The following ATP9B variants were observed in gnomAD, a reference collection of about 807,000 sequenced individuals.
ATP9B encodes ATPase phospholipid transporting 9B, also known as probable phospholipid-transporting ATPase IIB.
A neutral mutation model predicts 146.1 loss-of-function variants in ATP9B; 110 were observed. The ratio of observed to expected loss-of-function variants is 0.75; its 90% CI spans 0.65 to 0.88. The LOEUF is 0.88. ATP9B is among the 40% of genes least tolerant of loss of function. ATP9B has a pLI of 0.00. For missense variants in ATP9B, 1,499 were observed against 1,496.4 expected, an observed-to-expected ratio of 1.00 and a Z score of -0.03; for synonymous variants, 604 against 569.7, an observed-to-expected ratio of 1.06 and a Z score of -0.86.
intron 26 of ATP9B, chr18:79,360,788 G>C (rs1389546846): frequency 6.6e-6 from 1 of 152,168 alleles, no homozygotes; most frequent in Non-Finnish European, 1.5e-5. Context: ...TATTATCATG[G>C]TGGCATCATC....
At chr18:79,327,584 G>A (rs371264182) in intron 15 of ATP9B, among the ~76,000 whole-genome samples, 20 of 133,336 alleles carry the variant, frequency 1.5e-4, no homozygotes, top group African/African-American at 5.6e-4. Context: ...CGTGCTCTCC[G>A]TGGTTAACGT....
intron 10 of ATP9B, among the ~76,000 whole-genome samples, 195 bp from the exon 11 acceptor site, chr18:79,213,767 T>C (rs2095603775): frequency 6.6e-6 from 1 of 152,172 alleles, no homozygotes; most frequent in South Asian, 2.1e-4. Flanking sequence ...AACAAATCAT[T>C]TGACTTTTTC....
At chr18:79,338,204 C>T (rs186096292) in intron 19 of ATP9B, among the ~76,000 whole-genome samples, 1 of 152,252 alleles carries the variant, frequency 6.6e-6, no homozygotes. Flanking sequence ...AAACTCAGCA[C>T]AAAAGGACAC....
rs567885814 is a variant in ATP9B, at chr18:79,161,669, A to G, written c.778+7114A>G. 5.3e-5 allele frequency among the ~76,000 whole-genome samples: 8 copies of G among 152,314 alleles called. 1 individual carries two copies. The South Asian group carries it at 1.7e-3, about 32-fold the overall frequency. On this transcript the variant is annotated intron_variant, in intron 7 of 29. Coordinates refer to ENST00000426216, the MANE Select transcript of ATP9B (RefSeq NM_198531.5). ...CGAGACCATCCTGGCTAACATGGTG[A>G]AACGCCATCTCTAGAAAAATACAAA...
chr18:79,349,117 A>G (rs1415883032), intron 25 of ATP9B, among the ~76,000 whole-genome samples: 1 of 152,248 alleles, frequency 6.6e-6, no homozygotes, highest in African/African-American at 2.4e-5. Flanking sequence ...AAGAGGGAAT[A>G]GGTGGGAATT....
intron 20 of ATP9B, chr18:79,343,997 G>T: frequency 1.9e-6 from 1 of 523,778 alleles, no homozygotes; most frequent in South Asian, 2.2e-5. Context: ...TCAGAGTGGT[G>T]ATTCCACTGC....
intron 25 of ATP9B, among the ~76,000 whole-genome samples, chr18:79,356,604 G>C (rs894094564): frequency 6.6e-6 from 1 of 152,240 alleles, no homozygotes; most frequent in African/African-American, 2.4e-5. Flanking sequence ...AGAGAATTGC[G>C]CTGTGTAAAA....
chr18:79,220,921 G>A (rs1452459872), intron 11 of ATP9B, among the ~76,000 whole-genome samples: 1 of 152,166 alleles, frequency 6.6e-6, no homozygotes, highest in Non-Finnish European at 1.5e-5. Context: ...CAGCCTTTGG[G>A]CCTCTTGTGC....
chr18:79,148,259 T>G (rs2147520984), intron 6 of ATP9B, among the ~76,000 whole-genome samples: 1 of 152,328 alleles, frequency 6.6e-6, no homozygotes, highest in East Asian at 1.9e-4. Context: ...ACAGTTATTT[T>G]CAGAAAATAA....
intron 11 of ATP9B, among the ~76,000 whole-genome samples, chr18:79,241,063 C>G (rs1402888964): frequency 6.6e-6 from 1 of 152,144 alleles, no homozygotes; most frequent in Non-Finnish European, 1.5e-5. Flanking sequence ...TTGTAAGCTG[C>G]TTGTGGTCAT....
At chr18:79,191,257 G>GT (rs1568368124) in intron 8 of ATP9B, among the ~76,000 whole-genome samples, 15 of 151,440 alleles carry the variant, frequency 9.9e-5, no homozygotes, top group African/African-American at 3.4e-4. Flanking sequence ...GTATTTTTGA[G>GT]ATTTTTTTTA....
chr18:79,073,163 G>A (rs977757238), intron 1 of ATP9B, among the ~76,000 whole-genome samples: 7 of 151,878 alleles, frequency 4.6e-5, no homozygotes, highest in African/African-American at 7.3e-5. Context: ...CCGGGCAGAC[G>A]GGCTCCTCAC....
chr18:79,307,778 T>C (rs571389710), intron 15 of ATP9B, among the ~76,000 whole-genome samples: 39 of 152,364 alleles, frequency 2.6e-4, no homozygotes, highest in African/African-American at 6.7e-4. Flanking sequence ...CACTCTTTGA[T>C]TTTTAGATCG....
intron 4 of ATP9B, among the ~76,000 whole-genome samples, chr18:79,113,929 A>G (rs776457328): frequency 2.6e-5 from 4 of 152,154 alleles, no homozygotes; most frequent in Non-Finnish European, 4.4e-5. Context: ...CAAGATGTAC[A>G]TCGTCTTTCC....
intron 4 of ATP9B, among the ~76,000 whole-genome samples, chr18:79,122,589 G>A (rs892049306): frequency 2.0e-5 from 3 of 152,102 alleles, no homozygotes; most frequent in Non-Finnish European, 4.4e-5. Flanking sequence ...TATTCATGCT[G>A]TGATCCTATA....
intron 11 of ATP9B, among the ~76,000 whole-genome samples, chr18:79,233,167 C>T (rs1034122340): frequency 6.6e-6 from 1 of 151,978 alleles, no homozygotes; most frequent in Non-Finnish European, 1.5e-5. Context: ...TGGCGCACAC[C>T]TGTAATCCCA....
rs559293155 is a variant in ATP9B, at chr18:79,143,190, C to T, written c.668-612C>T. Among the ~76,000 whole-genome samples the T allele has an allele frequency of 1.7e-4, 26 of 152,226 alleles. 1 individual carries two copies. The South Asian group carries it at 4.6e-3, about 27-fold the overall frequency. On this transcript the variant is annotated intron_variant, in intron 5 of 29. Transcript: ENST00000426216. ...ATGGGTGCAACATTCATCTACTCTA[C>T]ATCATATTATACATGATATTTAAGT...
chr18:79,322,842 A>G (rs1441433688), intron 15 of ATP9B, among the ~76,000 whole-genome samples: 1 of 152,250 alleles, frequency 6.6e-6, no homozygotes, highest in Non-Finnish European at 1.5e-5. Flanking sequence ...AATGTTCTCA[A>G]CATGCAGCAA....
At chr18:79,301,823 A>T (rs1357733799) in intron 13 of ATP9B, among the ~76,000 whole-genome samples, 3 of 152,236 alleles carry the variant, frequency 2.0e-5, no homozygotes, top group South Asian at 2.1e-4. Context: ...TGGAATTTTT[A>T]AAACTTTATT....
Sources: gnomAD v4.1 joint callset for allele counts (sites outside exome capture counted in the v4.1 genomes callset) on GRCh38, gnomAD v4.1.1 for gene constraint, MANE v1.5 for transcripts, NCBI Gene and HGNC (gene_info 2026-07-23, HGNC 2026-07-21) for gene names.